Variants in CAST observed in about 807,000 individuals in gnomAD.
CAST encodes the protein calpastatin.
Under a neutral mutation model 119.6 loss-of-function variants are expected in CAST, and 76 were observed. The observed-to-expected ratio is 0.64, with a 90% CI of 0.53 to 0.77. CAST has a LOEUF of 0.77. CAST is among the 30% of genes least tolerant of loss of function. The probability of loss-of-function intolerance (pLI) is 0.00; values close to 1 mark genes in which losing one functional copy is unlikely to be tolerated. For synonymous variants in CAST, 319 were observed against 331.6 expected (o/e 0.96, Z 0.41); for missense variants, 953 against 946.5 (o/e 1.01, Z -0.09).
chr5:96,506,683 A>G, the CAST span, among the ~76,000 whole-genome samples: 1 of 152,030 alleles, frequency 6.6e-6, no homozygotes, highest in Non-Finnish European at 1.5e-5. Flanking sequence ...TCCTCCCACT[A>G]TGAGGAGGTC....
chr5:96,008,231 A>G, the CAST span, among the ~76,000 whole-genome samples: 1 of 152,316 alleles, frequency 6.6e-6, no homozygotes, highest in Admixed American at 6.5e-5. Flanking sequence ...GAACTGGGCA[A>G]TTATCAAACC....
chr5:96,424,811 A>C, the CAST span, among the ~76,000 whole-genome samples: 1 of 151,938 alleles, frequency 6.6e-6, no homozygotes, highest in Non-Finnish European at 1.5e-5. Context: ...AAAAATACAA[A>C]AATTAGCTGG....
At chr5:96,668,124 T>C (rs550203475) in intron 1 of CAST, among the ~76,000 whole-genome samples, 222 of 150,910 alleles carry the variant, frequency 1.5e-3, no homozygotes, top group African/African-American at 5.2e-3. Context: ...CTGTTAACCG[T>C]CACAGCTACC....
chr5:96,004,386 A>G, the CAST span, among the ~76,000 whole-genome samples: 10 of 152,346 alleles, frequency 6.6e-5, no homozygotes, highest in Admixed American at 6.5e-4. Context: ...TAGGAAATGC[A>G]CACTGAAATA....
At chr5:96,490,069 C>T in the CAST span, among the ~76,000 whole-genome samples, 1 of 152,222 alleles carries the variant, frequency 6.6e-6, no homozygotes, top group Admixed American at 6.5e-5. Context: ...AAGCAGAATT[C>T]TAGCTTCACA....
chr5:96,632,683 A>T (rs1314340699), intron 1 of CAST, among the ~76,000 whole-genome samples: 1 of 79,690 alleles, frequency 1.3e-5, no homozygotes. Flanking sequence ...ATTTGTCGAA[A>T]AGACTATTTC....
the CAST span, among the ~76,000 whole-genome samples, chr5:96,442,667 G>A: frequency 3.3e-5 from 5 of 152,138 alleles, no homozygotes; most frequent in African/African-American, 9.7e-5. Flanking sequence ...CCTAAGCATC[G>A]CTCCTCCCAT....
the CAST span, chr5:96,379,749 A>G: frequency 1.3e-5 from 2 of 152,296 alleles, no homozygotes; most frequent in East Asian, 3.9e-4. Context: ...GCATACATAG[A>G]ATTTATATGT....
At chr5:96,520,391 A>C (rs1338166818), upstream of CAST, among the ~76,000 whole-genome samples, 1 of 152,184 alleles carries the variant, frequency 6.6e-6, no homozygotes, top group Non-Finnish European at 1.5e-5. Context: ...TTGTATTTCC[A>C]ACAATGTTCT....
chr5:96,103,095 A>G, the CAST span, among the ~76,000 whole-genome samples: 2 of 152,190 alleles, frequency 1.3e-5, no homozygotes, highest in Non-Finnish European at 2.9e-5. Context: ...TACAAAATCA[A>G]TAGTTGTTTT....
chr5:95,998,470 C>T, the CAST span, among the ~76,000 whole-genome samples: 3 of 152,184 alleles, frequency 2.0e-5, no homozygotes, highest in African/African-American at 7.2e-5. Context: ...TGTCCATGTA[C>T]CCCAGTCCTT....
chr5:96,228,596 T>C, the CAST span, among the ~76,000 whole-genome samples: 1 of 151,526 alleles, frequency 6.6e-6, no homozygotes, highest in African/African-American at 2.4e-5. Flanking sequence ...CTAATACGCA[T>C]AAATTTTATA....
chr5:96,694,373 C>T (rs1264246096), intron 2 of CAST, among the ~76,000 whole-genome samples: 1 of 152,184 alleles, frequency 6.6e-6, no homozygotes, highest in Non-Finnish European at 1.5e-5. Flanking sequence ...CACGGTGGCT[C>T]ACGCCTGTAA....
the CAST span, among the ~76,000 whole-genome samples, chr5:96,228,972 A>G: frequency 6.6e-6 from 1 of 152,130 alleles, no homozygotes; most frequent in African/African-American, 2.4e-5. Context: ...ATTTTTGTGT[A>G]ATAAAAATCT....
the CAST span, among the ~76,000 whole-genome samples, chr5:95,977,658 C>A: frequency 4.6e-5 from 7 of 151,536 alleles, no homozygotes; most frequent in Non-Finnish European, 2.9e-5. Flanking sequence ...TTTTTTTTCA[C>A]TTTTTTTTAA....
chr5:96,220,997 C>A, the CAST span, among the ~76,000 whole-genome samples: 2 of 152,102 alleles, frequency 1.3e-5, no homozygotes, highest in African/African-American at 4.8e-5. Context: ...ATTTTATTCA[C>A]AACATATATT....
chr5:95,988,272 C>T, the CAST span, among the ~76,000 whole-genome samples: 2 of 152,176 alleles, frequency 1.3e-5, no homozygotes, highest in African/African-American at 4.8e-5. Context: ...AGTTCTGGGG[C>T]TACACTTACC....
chr5:96,449,378 C>A, the CAST span, among the ~76,000 whole-genome samples: 7 of 152,256 alleles, frequency 4.6e-5, no homozygotes, highest in Non-Finnish European at 1.0e-4. Context: ...ACTGCACATG[C>A]GAGGAATCTG....
chr5:96,216,989 A>G, the CAST span, among the ~76,000 whole-genome samples: 1 of 152,136 alleles, frequency 6.6e-6, no homozygotes, highest in Non-Finnish European at 1.5e-5. Flanking sequence ...CACAGAAAAT[A>G]TTAAAAAGAT....
Sources: gnomAD v4.1 joint callset for allele counts (sites outside exome capture counted in the v4.1 genomes callset) on GRCh38, gnomAD v4.1.1 for gene constraint, MANE v1.5 for transcripts, NCBI Gene and HGNC (gene_info 2026-07-23, HGNC 2026-07-21) for gene names.